SLIT2: variants seen among roughly 807,000 people sequenced by gnomAD.
The protein encoded by SLIT2 is slit homolog 2 protein.
In SLIT2, 41 loss-of-function variants were observed where a neutral mutation model predicts 185.7. The ratio of observed to expected loss-of-function variants is 0.22; its 90% CI spans 0.17 to 0.29. The LOEUF is 0.29. Among genes scored for constraint, SLIT2 ranks in the 10% least tolerant of loss-of-function variants. SLIT2 has a pLI of 1.00. For synonymous variants in SLIT2, 693 were observed against 680.2 expected (o/e 1.02, Z -0.29); for missense variants, 1,571 against 1,909.0 (o/e 0.82, Z 3.30).
chr4:20,518,334 G>T (rs1232061932), intron 11 of SLIT2, among the ~76,000 whole-genome samples: 1 of 138,030 alleles, frequency 7.2e-6, no homozygotes, highest in Non-Finnish European at 1.5e-5. Context: ...CTCATTGCAA[G>T]CTCCGCCTCC....
intron 4 of SLIT2, among the ~76,000 whole-genome samples, chr4:20,280,250 G>A (rs571397472): frequency 1.7e-4 from 26 of 150,442 alleles, no homozygotes; most frequent in African/African-American, 5.6e-4. Flanking sequence ...GGAGAATGGC[G>A]TGAACCTGGG....
intron 34 of SLIT2, among the ~76,000 whole-genome samples, chr4:20,612,245 G>GAAAAAAAAAAAAAAAAAAAAAAAAA (rs139866324): frequency 1.8e-5 from 1 of 56,236 alleles, no homozygotes. Context: ...ACTATCTCAA[G>GAAAAAAAAAAAAAAAAAAAAAAAAA]AAAAAAAAAA....
intron 3 of SLIT2, among the ~76,000 whole-genome samples, chr4:20,265,417 C>T (rs1212595589): frequency 6.6e-6 from 1 of 151,728 alleles, no homozygotes; most frequent in Non-Finnish European, 1.5e-5. Context: ...AAAAGTGGAG[C>T]CAAATGTGTA....
At position 20,405,774 on chromosome 4, in the gene SLIT2, G is replaced by C. The variant is rs149851927; in HGVS notation, c.396-61978G>C. ...ATCTCCATTTGGGTTCTTTCTTTTAGAGGAATGTGGTATTTTTAAATTAAT... is the reference window on the plus strand; with the variant it reads ...ATCTCCATTTGGGTTCTTTCTTTTACAGGAATGTGGTATTTTTAAATTAAT... On this transcript the variant is annotated intron_variant, in intron 4 of 36. Transcript: ENST00000504154. Among the ~76,000 whole-genome samples, 804 of 151,998 alleles carry C rather than the reference G, an allele frequency of 5.3e-3. 9 individuals carry two copies. The highest frequency in any genetic ancestry group is 0.019 in the African/African-American group (778 of 41,504).
intron 4 of SLIT2, among the ~76,000 whole-genome samples, chr4:20,273,088 A>G (rs1713796639): frequency 6.6e-6 from 1 of 152,100 alleles, no homozygotes; most frequent in Non-Finnish European, 1.5e-5. Context: ...TAAGAGGAAA[A>G]CTTAATTTTT....
rs894850365 is a variant in SLIT2, at chr4:20,417,459, C to T, written c.396-50293C>T. On this transcript the variant is annotated intron_variant, in intron 4 of 36. Coordinates refer to ENST00000504154, the MANE Select transcript of SLIT2 (RefSeq NM_004787.4). ...GTGTATATATATATATATATATATA[C>T]GTATATATATGTGTGTGTACATATA... 6.1e-3 allele frequency among the ~76,000 whole-genome samples: 555 copies of T among 90,264 alleles called. 3 individuals carry two copies. Among genetic ancestry groups the T allele is most frequent in the Middle Eastern group, 0.019 (3 of 158 alleles). The allele number at this position is 90,264 out of a possible 152,430, so 59.2% of individuals were successfully genotyped here.
chr4:20,451,006 G>A (rs1291432963), intron 4 of SLIT2, among the ~76,000 whole-genome samples: 1 of 152,154 alleles, frequency 6.6e-6, no homozygotes, highest in Admixed American at 6.5e-5. Context: ...CAAAGCAGAA[G>A]GATAAGAACT....
At chr4:20,453,134 A>G (rs1164137582) in intron 4 of SLIT2, among the ~76,000 whole-genome samples, 1 of 152,190 alleles carries the variant, frequency 6.6e-6, no homozygotes, top group African/African-American at 2.4e-5. Context: ...GACTTTTTGC[A>G]TTCAGAACAT....
chr4:20,560,851 A>G (rs75632737), intron 26 of SLIT2, among the ~76,000 whole-genome samples: 68 of 152,016 alleles, frequency 4.5e-4, no homozygotes, highest in Non-Finnish European at 7.7e-4. Context: ...AGTTCGTACA[A>G]TGTTCAAGGC....
intron 4 of SLIT2, among the ~76,000 whole-genome samples, chr4:20,407,760 A>C (rs1726888837): frequency 6.6e-6 from 1 of 152,214 alleles, no homozygotes; most frequent in South Asian, 2.1e-4. Context: ...CTTTTGATTG[A>C]ATTCTGGATG....
At chr4:20,308,161 G>A (rs1717757682) in intron 4 of SLIT2, among the ~76,000 whole-genome samples, 1 of 152,082 alleles carries the variant, frequency 6.6e-6, no homozygotes, top group African/African-American at 2.4e-5. Context: ...GAAGTGATGG[G>A]GCCTTGAGGG....
intron 4 of SLIT2, among the ~76,000 whole-genome samples, chr4:20,281,127 C>T (rs1054928571): frequency 1.3e-5 from 2 of 152,076 alleles, no homozygotes; most frequent in Admixed American, 1.3e-4. Flanking sequence ...GCCACTGCAC[C>T]CAGCTGGTTA....
intron 18 of SLIT2, among the ~76,000 whole-genome samples, chr4:20,538,981 T>A (rs3775821): frequency 0.1 from 15,335 of 152,138 alleles, 953 homozygotes; most frequent in East Asian, 0.23. Flanking sequence ...ATTGACTCAG[T>A]GTGTAAGTCC....
At chr4:20,291,394 TG>T (rs1684992708) in intron 4 of SLIT2, among the ~76,000 whole-genome samples, 1 of 140,396 alleles carries the variant, frequency 7.1e-6, no homozygotes, top group African/African-American at 2.7e-5. Flanking sequence ...GAATGGGGCC[TG>T]AAATCCAGCA....
chr4:20,534,767 C>T (rs927538267), intron 18 of SLIT2, among the ~76,000 whole-genome samples: 10 of 152,168 alleles, frequency 6.6e-5, no homozygotes, highest in South Asian at 2.1e-4. Flanking sequence ...TTATCAGATA[C>T]GGAGGGAGAA....
chr4:20,330,463 G>T (rs935592870), intron 4 of SLIT2, among the ~76,000 whole-genome samples: 2 of 152,032 alleles, frequency 1.3e-5, no homozygotes, highest in African/African-American at 2.4e-5. Context: ...TTTGGATTTT[G>T]AAAAATTAGT....
At chr4:20,391,995 G>A (rs989892681) in intron 4 of SLIT2, among the ~76,000 whole-genome samples, 2 of 152,042 alleles carry the variant, frequency 1.3e-5, no homozygotes, top group Admixed American at 6.6e-5. Context: ...CTATACCTAT[G>A]CTCTTCAGGA....
At position 20,618,915 on chromosome 4, in the gene SLIT2, G is replaced by A. The variant is rs142621552; in HGVS notation, c.4496G>A (p.Arg1499Gln). Residue 1499 changes from arginine to glutamine, a missense_variant, in exon 37 of 37, where the codon CGG (arginine) becomes CAG (glutamine). Arg to Gln is a conservative substitution (Grantham distance 43, BLOSUM62 1). Coordinates refer to ENST00000504154, the MANE Select transcript of SLIT2 (RefSeq NM_004787.4). ...GQCCGPLRSK[R>Q]RKYSFECTDG... is the part of the protein sequence containing the mutation. ...TGCTGTGGACCGCTGAGGAGCAAGC[G>A]GCGGAAATACTCTTTCGAATGCACT... The A allele has an allele frequency of 4.3e-6, 7 of 1,614,126 alleles. No homozygotes were observed. Among genetic ancestry groups the A allele is most frequent in the African/African-American group, 4.0e-5 (3 of 75,048 alleles).
At chr4:20,538,919 G>A (rs888218158) in intron 18 of SLIT2, among the ~76,000 whole-genome samples, 3 of 151,920 alleles carry the variant, frequency 2.0e-5, no homozygotes, top group South Asian at 4.1e-4. Context: ...AATTATTCGT[G>A]TAGTCTTTGT....
Sources: gnomAD v4.1 joint callset for allele counts (sites outside exome capture counted in the v4.1 genomes callset) on GRCh38, gnomAD v4.1.1 for gene constraint, MANE v1.5 for transcripts, NCBI Gene and HGNC (gene_info 2026-07-23, HGNC 2026-07-21) for gene names.